The following ATP2B2 variants were observed in gnomAD, a reference collection of about 807,000 sequenced individuals.
ATP2B2 encodes the protein plasma membrane calcium-transporting ATPase 2.
A neutral mutation model predicts 120.0 loss-of-function variants in ATP2B2; 15 were observed. That is an observed-to-expected ratio of 0.12 (90% CI 0.08 to 0.19). The LOEUF (loss-of-function observed/expected upper bound fraction) is 0.19. Ranked by LOEUF, ATP2B2 falls within the 10% of genes least tolerant of loss-of-function variation. The pLI, the probability that ATP2B2 is intolerant of heterozygous loss-of-function variation, is 1.00. For missense variants in ATP2B2, 1,045 were observed against 1,719.8 expected, an observed-to-expected ratio of 0.61 and a Z score of 6.94; for synonymous variants, 694 against 700.3, an observed-to-expected ratio of 0.99 and a Z score of 0.14.
At chr3:10,421,759 C>G (rs946604940) in intron 2 of ATP2B2, among the ~76,000 whole-genome samples, 4 of 152,324 alleles carry the variant, frequency 2.6e-5, no homozygotes, top group Admixed American at 2.0e-4. Context: ...TTATCCCACT[C>G]TCCTACCAAG....
At chr3:10,511,039 C>A (rs1041777328) in intron 3 of ATP2B2, among the ~76,000 whole-genome samples, 1 of 152,158 alleles carries the variant, frequency 6.6e-6, no homozygotes, top group Non-Finnish European at 1.5e-5. Flanking sequence ...TCATGAGGCC[C>A]AAATAACCAC....
chr3:10,383,575 G>A (rs1156518049), intron 8 of ATP2B2, among the ~76,000 whole-genome samples: 1 of 152,206 alleles, frequency 6.6e-6, no homozygotes, highest in East Asian at 1.9e-4. Flanking sequence ...GAGCCAGCCA[G>A]GTCTGGGTTC....
intron 2 of ATP2B2, among the ~76,000 whole-genome samples, chr3:10,569,646 G>T (rs185030311): frequency 8.5e-5 from 13 of 152,310 alleles, no homozygotes; most frequent in Admixed American, 7.8e-4. Context: ...GTTCAAGGAA[G>T]AATATTAAGG....
chr3:10,453,742 A>AGATATAATT (rs2064149860), intron 1 of ATP2B2, among the ~76,000 whole-genome samples: 1 of 152,168 alleles, frequency 6.6e-6, no homozygotes, highest in Non-Finnish European at 1.5e-5. Flanking sequence ...AATCGTTAGC[A>AGATATAATT]GCAATTATAT....
intron 1 of ATP2B2, among the ~76,000 whole-genome samples, chr3:10,479,456 CCTT>C (rs934012844): frequency 8.6e-5 from 13 of 151,946 alleles, no homozygotes; most frequent in African/African-American, 2.9e-4. Flanking sequence ...CTCTGGGAGG[CCTT>C]CTCTGATTTA....
rs543277062 is a variant in ATP2B2, at chr3:10,535,474, T to C, written c.-414-1341A>G. ...GTCACCACCACCACTACAATCAAGA[T>C]GTAGAACTGTTCCATCCCTACAAGG... On this transcript the variant is annotated intron_variant, in intron 2 of 21. Coordinates refer to the ATP2B2 transcript ENST00000646379. 4.6e-5 allele frequency among the ~76,000 whole-genome samples: 7 copies of C among 152,264 alleles called. No homozygotes were observed. The South Asian group carries it at 1.0e-3, about 23-fold the overall frequency.
chr3:10,670,795 G>A (rs1383521497), intron 1 of ATP2B2, among the ~76,000 whole-genome samples: 1 of 152,198 alleles, frequency 6.6e-6, no homozygotes, highest in African/African-American at 2.4e-5. Flanking sequence ...ACTCCAGAGA[G>A]CAGAATCCGG....
In ATP2B2 at chr3:10,635,216, C is replaced by T. The variant is rs1335412971; in HGVS notation, c.-459-15255G>A. ...AGAGAAGTTGGAAATCCAGGTACTTCCATGGCATCTCTCAATTTGGGGATG... is the reference window on the plus strand; with the variant it reads ...AGAGAAGTTGGAAATCCAGGTACTTTCATGGCATCTCTCAATTTGGGGATG... On this transcript the variant is annotated intron_variant, in intron 1 of 21. Coordinates refer to the ATP2B2 transcript ENST00000646379. The surrounding 1 kb of genome is among the most constrained non-coding windows in gnomAD (Gnocchi z 4.3). 6.6e-6 allele frequency among the ~76,000 whole-genome samples: 1 copy of T among 152,110 alleles called. No homozygotes were observed. Among genetic ancestry groups the T allele is most frequent in the Non-Finnish European group, 1.5e-5 (1 of 68,018 alleles).
chr3:10,376,266 G>A (rs778904864), intron 10 of ATP2B2, among the ~76,000 whole-genome samples: 1 of 152,162 alleles, frequency 6.6e-6, no homozygotes, highest in Non-Finnish European at 1.5e-5. Context: ...GAAGAAAAAG[G>A]CCAGGATGAT....
At chr3:10,591,409 C>T (rs2068640731) in intron 2 of ATP2B2, among the ~76,000 whole-genome samples, 1 of 152,182 alleles carries the variant, frequency 6.6e-6, no homozygotes, top group South Asian at 2.1e-4. Flanking sequence ...AACACACTAG[C>T]TGACCCCCAT....
chr3:10,671,361 T>C (rs1243990927), intron 1 of ATP2B2, among the ~76,000 whole-genome samples: 3 of 152,174 alleles, frequency 2.0e-5, no homozygotes, highest in Non-Finnish European at 4.4e-5. Flanking sequence ...CTTCAGGCAG[T>C]ATGGGCTAGG....
chr3:10,423,803 C>T (rs1196396141), intron 2 of ATP2B2, among the ~76,000 whole-genome samples: 1 of 152,174 alleles, frequency 6.6e-6, no homozygotes, highest in Non-Finnish European at 1.5e-5. Context: ...ACGTGGTGCC[C>T]CTTCCCTGAG....
chr3:10,531,570 T>C (rs1191458646), intron 3 of ATP2B2, among the ~76,000 whole-genome samples: 2 of 152,230 alleles, frequency 1.3e-5, no homozygotes, highest in Non-Finnish European at 2.9e-5. Context: ...AGGCGAGCCC[T>C]GCATTAAGTG....
At chr3:10,515,024 G>A (rs2066849432) in intron 3 of ATP2B2, among the ~76,000 whole-genome samples, 1 of 152,230 alleles carries the variant, frequency 6.6e-6, no homozygotes, top group Non-Finnish European at 1.5e-5. Flanking sequence ...GGGTATGGAA[G>A]GATCTCTGTA....
At chr3:10,414,454 G>C (rs2062715503) in intron 2 of ATP2B2, among the ~76,000 whole-genome samples, 1 of 152,202 alleles carries the variant, frequency 6.6e-6, no homozygotes, top group Non-Finnish European at 1.5e-5. Flanking sequence ...TGAAGTAGGT[G>C]AGTGGGAGAC....
chr3:10,358,942 G>T lies in ATP2B2; in HGVS notation c.1902-17C>A. 1 of 1,611,212 alleles carries T rather than the reference G, an allele frequency of 6.2e-7. No homozygotes were observed. ...TTGCAGCACCTAGGGGAGGATGGAA[G>T]GGAGATGGGGAGCCCAGGGAATGCT... is the stretch of plus-strand genomic sequence containing the variant. On this transcript the variant is annotated splice_polypyrimidine_tract_variant and intron_variant, in intron 13 of 22. Transcript: ENST00000360273.
At chr3:10,379,349 A>G (rs1380243988) in intron 8 of ATP2B2, 65 bp from the exon 9 acceptor site, 54 of 1,541,374 alleles carry the variant, frequency 3.5e-5, no homozygotes, top group Non-Finnish European at 4.6e-5. Context: ...CATCACGAAG[A>G]CGCAACAGGC....
intron 1 of ATP2B2, among the ~76,000 whole-genome samples, chr3:10,652,853 A>G (rs1404065952): frequency 6.6e-6 from 1 of 152,232 alleles, no homozygotes; most frequent in East Asian, 1.9e-4. Context: ...AAGAGGACAA[A>G]TACTGTGTGG....
rs573224473 is a variant in ATP2B2 at position 10,369,406 on chromosome 3, T to A, written c.1659+2403A>T. Reference sequence around the variant, plus strand: ...TCCCAAGCAGACCGTAGGCTAGAGGTGCTGCAGGGTTGGTATCTATGACCA... The same window carrying A: ...TCCCAAGCAGACCGTAGGCTAGAGGAGCTGCAGGGTTGGTATCTATGACCA... On this transcript the variant is annotated intron_variant, in intron 12 of 22. Transcript: ENST00000360273. Among the ~76,000 whole-genome samples the A allele has an allele frequency of 6.6e-5, 10 of 152,180 alleles. No individual in the cohort carries two copies. In the East Asian group the frequency reaches 1.9e-3, roughly 29 times the overall value.
Sources: gnomAD v4.1 joint callset for allele counts (sites outside exome capture counted in the v4.1 genomes callset) on GRCh38, gnomAD v4.1.1 for gene constraint, Gnocchi (gnomAD v3.1) non-coding constraint, MANE v1.5 for transcripts, NCBI Gene and HGNC (gene_info 2026-07-23, HGNC 2026-07-21) for gene names.